The following HERC6 variants were observed in gnomAD, a reference collection of about 807,000 sequenced individuals.
HERC6 encodes HECT and RLD domain containing E3 ubiquitin protein ligase family member 6, also known as probable E3 ubiquitin-protein ligase HERC6.
HERC6 carries 101 observed loss-of-function variants against 114.5 expected under a neutral mutation model. The ratio of observed to expected loss-of-function variants is 0.88; its 90% CI spans 0.75 to 1.04. HERC6 has a LOEUF of 1.04. HERC6 is among the 50% of genes least tolerant of loss of function. HERC6 has a pLI of 0.00. For missense variants in HERC6, 1,133 were observed against 1,230.9 expected (o/e 0.92, Z 1.19); for synonymous variants, 408 against 436.2 (o/e 0.94, Z 0.81).
chr4:88,420,774 T>A (rs1234833484), intron 13 of HERC6, among the ~76,000 whole-genome samples: 2 of 152,084 alleles, frequency 1.3e-5, no homozygotes, highest in Admixed American at 6.5e-5. Context: ...TCTATTTTTT[T>A]AAAAATAAAA....
chr4:88,432,396 G>A (rs1310594200), intron 17 of HERC6, among the ~76,000 whole-genome samples: 6 of 150,046 alleles, frequency 4.0e-5, no homozygotes, highest in South Asian at 4.2e-4. Flanking sequence ...TTGAGACTCC[G>A]GCTCAAAAAA....
In HERC6 at chr4:88,379,636, A is replaced by AT. The variant is rs1368336433; in HGVS notation, c.199+516_199+517insT. ...GGGGCATTAAAAAATATATATATAT[A>AT]AAAATATATATATAAAATATATAAA... is the stretch of plus-strand genomic sequence containing the variant. On this transcript the variant is annotated intron_variant, in intron 1 of 22. Transcript: ENST00000264346. Among the ~76,000 whole-genome samples the AT allele has an allele frequency of 1.7e-3, 216 of 127,020 alleles. 9 individuals are homozygous for AT. In the Admixed American group the frequency reaches 0.02, roughly 12 times the overall value. 83.3% of individuals were successfully genotyped at this position (127,020 alleles called of 152,430 possible).
At chr4:88,418,326 T>G (rs1578401260) in intron 13 of HERC6, among the ~76,000 whole-genome samples, 4 of 152,026 alleles carry the variant, frequency 2.6e-5, no homozygotes, top group Admixed American at 2.0e-4. Flanking sequence ...CAGAATCACA[T>G]AGAAAAACCC....
intron 2 of HERC6, among the ~76,000 whole-genome samples, chr4:88,385,161 T>A (rs1447620985): frequency 2.6e-5 from 4 of 152,238 alleles, no homozygotes. Flanking sequence ...TTCTATAAAT[T>A]CTAAGGCCCT....
intron 10 of HERC6, among the ~76,000 whole-genome samples, chr4:88,408,276 T>C (rs1735905766): frequency 6.6e-6 from 1 of 152,248 alleles, no homozygotes; most frequent in Non-Finnish European, 1.5e-5. Flanking sequence ...CGTAAAATTT[T>C]GTTAATATGG....
chr4:88,387,252 C>T (rs556565622), intron 3 of HERC6, among the ~76,000 whole-genome samples: 1 of 152,250 alleles, frequency 6.6e-6, no homozygotes, highest in African/African-American at 2.4e-5. Context: ...GAAAAATTAG[C>T]TGGGCATGGT....
intron 10 of HERC6, among the ~76,000 whole-genome samples, chr4:88,406,054 C>T (rs1406876615): frequency 6.6e-6 from 1 of 152,256 alleles, no homozygotes; most frequent in Non-Finnish European, 1.5e-5. Context: ...TTTGGTTTAA[C>T]ATTTGGTCTG....
At chr4:88,427,254 G>A (rs1262490145) in intron 15 of HERC6, among the ~76,000 whole-genome samples, 1 of 152,212 alleles carries the variant, frequency 6.6e-6, no homozygotes, top group Non-Finnish European at 1.5e-5. Flanking sequence ...CCAATATACA[G>A]AGAACCGGAG....
chr4:88,389,865 T>C (rs1184395391), intron 3 of HERC6, among the ~76,000 whole-genome samples: 1 of 152,094 alleles, frequency 6.6e-6, no homozygotes, highest in Non-Finnish European at 1.5e-5. Context: ...ATGGTCTCAC[T>C]TAGCTGTAGT....
chr4:88,379,171 C>T, intron 1 of HERC6, 51 bp downstream of exon 1: 12 of 1,396,286 alleles, frequency 8.6e-6, no homozygotes, highest in Non-Finnish European at 1.1e-5. Flanking sequence ...TACATGGGCG[C>T]GGGGGCTTGG....
chr4:88,391,215 G>C (rs533542461), intron 4 of HERC6, among the ~76,000 whole-genome samples: 1 of 152,236 alleles, frequency 6.6e-6, no homozygotes, highest in South Asian at 2.1e-4. Context: ...GCTTCTAAAG[G>C]CCACCTGCAT....
chr4:88,379,222 G>A lies in HERC6; in HGVS notation c.199+102G>A, dbSNP rs193249714. Reference sequence around the variant, plus strand: ...AACCGGGTGCGGAGCGCTGGGACCCGGGTGAGGGGCGCGGGGGCCCAGGTG... The same window carrying A: ...AACCGGGTGCGGAGCGCTGGGACCCAGGTGAGGGGCGCGGGGGCCCAGGTG... On this transcript the variant is annotated intron_variant, in intron 1 of 22. Transcript: ENST00000264346. The A allele has an allele frequency of 3.8e-4, 368 of 970,708 alleles. No homozygotes were observed. The African/African-American group carries it at 5.8e-3, about 15-fold the overall frequency. 60.1% of individuals were successfully genotyped at this position (970,708 alleles called of 1,614,324 possible).
At chr4:88,390,134 G>T (rs1242755985) in intron 3 of HERC6, among the ~76,000 whole-genome samples, 8 of 131,190 alleles carry the variant, frequency 6.1e-5, no homozygotes, top group African/African-American at 2.1e-4. Flanking sequence ...AGCCAAGATC[G>T]CACCCTGCAC....
intron 1 of HERC6, among the ~76,000 whole-genome samples, chr4:88,379,774 A>AC (rs1734088523): frequency 1.3e-5 from 1 of 77,772 alleles, no homozygotes; most frequent in East Asian, 3.7e-4. Context: ...ATAATATATA[A>AC]ATATATATAT....
rs1307550784 is a variant in HERC6 at position 88,381,559 on chromosome 4, T to C, written c.200-1662T>C. On this transcript the variant is annotated intron_variant, in intron 1 of 22. Coordinates refer to ENST00000264346, the MANE Select transcript of HERC6 (RefSeq NM_017912.4). ...TCTTAGGTGACCCTTCTCTTCTTTT[T>C]TTTTTTTTTTTTTTTTTGAGATGGG... is the stretch of plus-strand genomic sequence containing the variant. Among the ~76,000 whole-genome samples, 8 of 146,014 alleles carry C rather than the reference T, an allele frequency of 5.5e-5. No homozygotes were observed. In the South Asian group the frequency reaches 8.9e-4, roughly 16 times the overall value.
chr4:88,399,991 G>C (rs1432048765), intron 8 of HERC6, among the ~76,000 whole-genome samples: 4 of 152,264 alleles, frequency 2.6e-5, no homozygotes, highest in Non-Finnish European at 5.9e-5. Flanking sequence ...GCAAGAATGA[G>C]TTTGGTGTGT....
intron 1 of HERC6, among the ~76,000 whole-genome samples, chr4:88,380,347 A>AAT (rs1487091172): frequency 4.9e-4 from 4 of 8,114 alleles, no homozygotes; most frequent in African/African-American, 2.6e-3. Context: ...ATATATATAT[A>AAT]ATATAAATAT....
At chr4:88,432,696 C>T (rs555913428) in intron 17 of HERC6, among the ~76,000 whole-genome samples, 74 of 148,808 alleles carry the variant, frequency 5.0e-4, no homozygotes, top group African/African-American at 1.6e-3. Context: ...GCCATAGCAC[C>T]CCAGCCTGGG....
At chr4:88,410,300 G>A (rs1736021545) in intron 11 of HERC6, among the ~76,000 whole-genome samples, 1 of 152,162 alleles carries the variant, frequency 6.6e-6, no homozygotes, top group South Asian at 2.1e-4. Context: ...CCAGGTCTTA[G>A]GTAGATGAGA....
Sources: allele counts gnomAD v4.1 joint callset (sites outside exome capture counted in the v4.1 genomes callset), GRCh38; gene constraint gnomAD v4.1.1; transcripts MANE v1.5; gene names NCBI Gene and HGNC (gene_info 2026-07-23, HGNC 2026-07-21).